HIVEP3: variants seen among roughly 807,000 people sequenced by gnomAD.
HIVEP3 encodes the protein transcription factor HIVEP3.
In HIVEP3, 49 loss-of-function variants were observed where a neutral mutation model predicts 152.8. The ratio of observed to expected loss-of-function variants is 0.32; its 90% confidence interval spans 0.26 to 0.41. The LOEUF (loss-of-function observed/expected upper bound fraction) is 0.41. HIVEP3 is among the 10% of genes least tolerant of loss of function. The probability of loss-of-function intolerance (pLI) is 1.00; values close to 1 mark genes in which losing one functional copy is unlikely to be tolerated. For missense variants in HIVEP3, 2,790 were observed against 3,103.3 expected, an observed-to-expected ratio of 0.90 and a Z score of 2.40; for synonymous variants, 1,269 against 1,289.0, an observed-to-expected ratio of 0.98 and a Z score of 0.33.
At chr1:41,986,371 G>A (rs1374682130) in intron 1 of HIVEP3, among the ~76,000 whole-genome samples, 1 of 150,686 alleles carries the variant, frequency 6.6e-6, no homozygotes, top group East Asian at 1.9e-4. Flanking sequence ...TAACACTGAA[G>A]TTCTATAAGT....
intron 5 of HIVEP3, among the ~76,000 whole-genome samples, chr1:41,558,347 G>A (rs993278204): frequency 6.6e-6 from 1 of 152,196 alleles, no homozygotes; most frequent in African/African-American, 2.4e-5. Context: ...GTGTCTCATG[G>A]TTAGACTAGC....
chr1:41,952,156 G>T (rs1645112304), intron 1 of HIVEP3, among the ~76,000 whole-genome samples: 1 of 151,970 alleles, frequency 6.6e-6, no homozygotes, highest in South Asian at 2.1e-4. Context: ...TATCCAATTT[G>T]GATTTTGCAA....
At chr1:41,528,083 C>G (rs1643064824) in intron 5 of HIVEP3, among the ~76,000 whole-genome samples, 1 of 130,516 alleles carries the variant, frequency 7.7e-6, no homozygotes, top group Non-Finnish European at 1.6e-5. Flanking sequence ...TACCCTTGCC[C>G]TCACACCTTC....
chr1:41,537,973 G>C (rs563479382), intron 5 of HIVEP3, among the ~76,000 whole-genome samples: 10 of 152,332 alleles, frequency 6.6e-5, no homozygotes, highest in Non-Finnish European at 1.3e-4. Flanking sequence ...CTGGGCCAGG[G>C]CCAGAAATAT....
intron 1 of HIVEP3, among the ~76,000 whole-genome samples, chr1:41,813,203 C>G (rs1403738835): frequency 2.0e-5 from 3 of 152,148 alleles, no homozygotes; most frequent in African/African-American, 7.2e-5. Flanking sequence ...CTCTGAGGCT[C>G]TGGGTTCCAT....
Position 41,580,599 on chromosome 1 carries a change from A to G in HIVEP3, c.4199T>C (p.Val1400Ala). Residue 1400 changes from valine (V) to alanine (A), a missense_variant, in exon 4 of 9, where the codon GTG becomes GCG. This residue lies in a region of HIVEP3 where 1,078 missense variants were observed against 1,165.3 expected (regional missense o/e 0.93). Transcript: ENST00000372583. ...AGTGCCTTTTCTTTCAGGTAATGTC[A>G]CAGGCACTCTCAGGTATGGAGTTGG... Reference protein sequence around the residue: ...AFPTPYLRVPVTLPERKGTSL... With the variant: ...AFPTPYLRVPATLPERKGTSL... 1 of 1,614,068 alleles carries G rather than the reference A, an allele frequency of 6.2e-7. No individual in the cohort carries two copies. The highest frequency in any genetic ancestry group is 8.5e-7 in the Non-Finnish European group (1 of 1,179,972).
intron 3 of HIVEP3, among the ~76,000 whole-genome samples, chr1:41,587,852 A>C (rs1644528534): frequency 6.6e-6 from 1 of 152,160 alleles, no homozygotes; most frequent in Non-Finnish European, 1.5e-5. Context: ...CTTCTGTGGC[A>C]TGATGCGCAC....
At chr1:41,528,507 ACACT>A (rs1643098092) in intron 5 of HIVEP3, among the ~76,000 whole-genome samples, 1 of 38,766 alleles carries the variant, frequency 2.6e-5, no homozygotes, top group Non-Finnish European at 4.7e-5. Flanking sequence ...ACTCACCTTC[ACACT>A]CACACCCCTG....
At chr1:41,663,840 C>G (rs1466825873) in intron 2 of HIVEP3, among the ~76,000 whole-genome samples, 1 of 152,164 alleles carries the variant, frequency 6.6e-6, no homozygotes, top group East Asian at 1.9e-4. Context: ...TGGATCACCA[C>G]CACCCCAGTC....
intron 1 of HIVEP3, among the ~76,000 whole-genome samples, chr1:41,925,212 C>A (rs1644962039): frequency 6.6e-6 from 1 of 152,158 alleles, no homozygotes; most frequent in African/African-American, 2.4e-5. Flanking sequence ...GCCTAAAATA[C>A]AACTGACCCT....
intron 2 of HIVEP3, among the ~76,000 whole-genome samples, chr1:41,646,120 G>A (rs975782768): frequency 6.6e-6 from 1 of 152,172 alleles, no homozygotes; most frequent in African/African-American, 2.4e-5. Context: ...GGATGCCAAG[G>A]TTGGGAGAGG....
chr1:41,688,197 GTCTGACCCCTTCTGTTGTTCTCC>G (rs551747187), intron 2 of HIVEP3, among the ~76,000 whole-genome samples: 330 of 152,240 alleles, frequency 2.2e-3, no homozygotes, highest in African/African-American at 7.5e-3. Context: ...AGTTCCTCTC[GTCTGACCCCTTCTGTTGTTCTCC>G]TCTGACCCCT....
In HIVEP3 at chr1:42,026,663, C is replaced by A. The variant is rs189792396; in HGVS notation, n.119+9144G>T. 2.6e-5 allele frequency among the ~76,000 whole-genome samples: 4 copies of A among 152,250 alleles called. No homozygotes were observed. The East Asian group carries it at 7.7e-4, about 29-fold the overall frequency. ...TCTTTCAGATGAGCTGTTTTTACAACCCAAAGACTCTCTTCTTCCCTGCTA... is the reference window on the plus strand; with the variant it reads ...TCTTTCAGATGAGCTGTTTTTACAAACCAAAGACTCTCTTCTTCCCTGCTA... On this transcript the variant is annotated intron_variant and non_coding_transcript_variant, in intron 1 of 3. Coordinates refer to the HIVEP3 transcript ENST00000489103.
intron 1 of HIVEP3, among the ~76,000 whole-genome samples, chr1:41,995,901 C>T (rs1645393140): frequency 6.6e-6 from 1 of 152,192 alleles, no homozygotes; most frequent in African/African-American, 2.4e-5. Flanking sequence ...ACCACACTTG[C>T]CTCTAGGCAG....
At chr1:41,751,818 C>G (rs1208969933) in intron 1 of HIVEP3, among the ~76,000 whole-genome samples, 1 of 152,162 alleles carries the variant, frequency 6.6e-6, no homozygotes, top group Non-Finnish European at 1.5e-5. Flanking sequence ...TGAATCCACA[C>G]AAAAGCATCA....
At chr1:41,641,389 C>A (rs1003155969) in intron 2 of HIVEP3, among the ~76,000 whole-genome samples, 2 of 152,212 alleles carry the variant, frequency 1.3e-5, no homozygotes, top group African/African-American at 4.8e-5. Flanking sequence ...TCCGGGGACC[C>A]AGCCAGGCTT....
intron 2 of HIVEP3, among the ~76,000 whole-genome samples, chr1:41,656,813 A>G (rs1645635639): frequency 6.6e-6 from 1 of 152,248 alleles, no homozygotes; most frequent in East Asian, 1.9e-4. Flanking sequence ...AAAGGGCAGG[A>G]CCAGCATCAG....
intron 7 of HIVEP3, among the ~76,000 whole-genome samples, chr1:41,514,584 G>A (rs1215836855): frequency 6.6e-6 from 1 of 152,192 alleles, no homozygotes; most frequent in African/African-American, 2.4e-5. Flanking sequence ...CTTATCTGAG[G>A]AGCCACTGCC....
chr1:41,592,017 C>A (rs1644595283), intron 3 of HIVEP3, among the ~76,000 whole-genome samples: 1 of 152,180 alleles, frequency 6.6e-6, no homozygotes. Context: ...TGCTTGGGAG[C>A]TCTACAGGGG....
Sources: gnomAD v4.1 joint callset for allele counts (sites outside exome capture counted in the v4.1 genomes callset) on GRCh38, gnomAD v4.1.1 for gene constraint, gnomAD v4.1.1 regional missense constraint, MANE v1.5 for transcripts, NCBI Gene and HGNC (gene_info 2026-07-23, HGNC 2026-07-21) for gene names.